Variants in COL3A1 observed in about 807,000 individuals in gnomAD.
COL3A1 encodes collagen type III alpha 1 chain, also known as collagen alpha-1(III) chain.
A neutral mutation model predicts 200.9 loss-of-function variants in COL3A1; 46 were observed. The ratio of observed to expected loss-of-function variants is 0.23; its 90% confidence interval spans 0.18 to 0.29. The LOEUF (loss-of-function observed/expected upper bound fraction) is 0.29, where lower values mean the gene tolerates loss of function less well. Among genes scored for constraint, COL3A1 ranks in the 10% least tolerant of loss-of-function variants. The probability of loss-of-function intolerance (pLI) is 1.00; values close to 1 mark genes in which losing one functional copy is unlikely to be tolerated. For synonymous variants in COL3A1, 650 were observed against 628.0 expected, an observed-to-expected ratio of 1.03 and a Z score of -0.52; for missense variants, 1,367 against 1,917.6, an observed-to-expected ratio of 0.71 and a Z score of 5.36.
In COL3A1 at chr2:188,988,695, C is replaced by T. The variant is rs755622839; in HGVS notation, c.636+52C>T. The T allele has an allele frequency of 5.5e-6, 7 of 1,274,598 alleles. No homozygotes were observed. The South Asian group carries it at 6.2e-5, about 11-fold the overall frequency. The allele number at this position is 1,274,598 out of a possible 1,614,324, so 79.0% of individuals were successfully genotyped here. Reference sequence around the variant, plus strand: ...GTAAGTCGATAATTCCATATGGAACCTACCTTTGTTTTCTAAAACAAGTAT... The same window carrying T: ...GTAAGTCGATAATTCCATATGGAACTTACCTTTGTTTTCTAAAACAAGTAT... On this transcript the variant is annotated intron_variant, in intron 7 of 50. Transcript: ENST00000304636.
chr2:188,979,984 T>C (rs1169452095), intron 1 of COL3A1, among the ~76,000 whole-genome samples: 1 of 151,520 alleles, frequency 6.6e-6, no homozygotes, highest in East Asian at 1.9e-4. Flanking sequence ...TGAAGCAAAA[T>C]AGATATTCAA....
In COL3A1 at chr2:188,996,246, TTGAG is replaced by T. The variant is rs1345158582; in HGVS notation, c.1662+71_1662+74del. On this transcript the variant is annotated intron_variant, in intron 23 of 50. Coordinates refer to ENST00000304636, the MANE Select transcript of COL3A1 (RefSeq NM_000090.4). Reference sequence around the variant, plus strand: ...ATGGAATGTATATGTTGGCCTATCCTTGAGTGTGTGTGTGTGTGTGTGTGTATAT... The same window carrying T: ...ATGGAATGTATATGTTGGCCTATCCTTGTGTGTGTGTGTGTGTGTGTATAT... 6.9e-6 allele frequency: 9 copies of T among 1,307,140 alleles called. No homozygotes were observed. In the African/African-American group the frequency reaches 1.5e-4, roughly 22 times the overall value. The allele number at this position is 1,307,140 out of a possible 1,614,324, so 81.0% of individuals were successfully genotyped here.
intron 35 of COL3A1, 52 bp from the exon 36 acceptor site, chr2:189,002,903 A>G (rs2153503363): frequency 1.6e-6 from 2 of 1,277,404 alleles, no homozygotes; most frequent in African/African-American, 1.5e-5. Context: ...TAATAAGCCA[A>G]TTGTATCATA....
Position 188,990,081 on chromosome 2 carries a change from T to C in COL3A1, c.691-15T>C, listed in dbSNP as rs756363441. ...CATACATGAGCACCTACGTATTCTT[T>C]ATTTCTCTACCTAGGGAGAATCAGG... On this transcript the variant is annotated splice_polypyrimidine_tract_variant and intron_variant, in intron 8 of 50. Coordinates refer to ENST00000304636, the MANE Select transcript of COL3A1 (RefSeq NM_000090.4). 6.2e-7 allele frequency: 1 copy of C among 1,612,848 alleles called. No individual in the cohort carries two copies. Among genetic ancestry groups the C allele is most frequent in the Admixed American group, 1.7e-5 (1 of 59,972 alleles).
intron 1 of COL3A1, among the ~76,000 whole-genome samples, chr2:188,982,501 T>TA (rs1327301947): frequency 6.6e-6 from 1 of 151,802 alleles, no homozygotes; most frequent in Non-Finnish European, 1.5e-5. Flanking sequence ...AGAAGATACT[T>TA]AAAATAGGAA....
At chr2:188,991,456 TA>T in intron 11 of COL3A1, 30 bp from the exon 12 acceptor site, 1 of 1,486,042 alleles carries the variant, frequency 6.7e-7, no homozygotes, top group Non-Finnish European at 9.3e-7. Flanking sequence ...TCCTCTTTTG[TA>T]AAATAGTAAC....
chr2:188,994,845 G>T lies in COL3A1; in HGVS notation c.1455+14G>T. 1 of 1,611,914 alleles carries T rather than the reference G, an allele frequency of 6.2e-7. No individual in the cohort carries two copies. The highest frequency in any genetic ancestry group is 8.5e-7 in the Non-Finnish European group (1 of 1,179,064). On this transcript the variant is annotated intron_variant, in intron 20 of 50. Coordinates refer to ENST00000304636, the MANE Select transcript of COL3A1 (RefSeq NM_000090.4). The surrounding 1 kb of genome is among the most constrained non-coding windows in gnomAD (Gnocchi z 4.5). ...GCAGGAGAAAGGGTACGTTTTCCAT[G>T]GGGCATCTAAAAGAAAAGCAGCATC...
intron 1 of COL3A1, among the ~76,000 whole-genome samples, chr2:188,983,954 A>G (rs1220146213): frequency 6.6e-6 from 1 of 151,964 alleles, no homozygotes; most frequent in Non-Finnish European, 1.5e-5. Context: ...CTGAAATTTC[A>G]GTACCTTGTA....
In COL3A1 at chr2:188,999,852, G is replaced by T; in HGVS notation, c.2240G>T (p.Gly747Val). ...GCTTTTATTTGACAGGGTGAACCAG[G>T]CGGTCCAGGTGCTGATGGTGTCCCA... ...PGPKGDKGEP[G>V]GPGADGVPGK... The change falls in exon 32 of 51, where the codon GGC (glycine) becomes GTC (valine). Residue 747 changes from glycine (G) to valine (V), a missense_variant. This residue lies in a region of COL3A1 where 846 missense variants were observed against 1,147.9 expected (regional missense o/e 0.74). Transcript: ENST00000304636. The T allele has an allele frequency of 6.3e-7, 1 of 1,596,440 alleles. No homozygotes were observed. The highest frequency in any genetic ancestry group is 8.5e-7 in the Non-Finnish European group (1 of 1,172,592).
chr2:188,975,425 T>A (rs188556453), intron 1 of COL3A1, among the ~76,000 whole-genome samples: 2 of 152,216 alleles, frequency 1.3e-5, no homozygotes, highest in Admixed American at 1.3e-4. Context: ...GTCTCATTAT[T>A]TATGTGAAAA....
intron 1 of COL3A1, among the ~76,000 whole-genome samples, chr2:188,979,335 G>C (rs2176267): frequency 0.037 from 5,596 of 151,966 alleles, 144 homozygotes; most frequent in Non-Finnish European, 0.056. Context: ...GAAAACTTCT[G>C]ATGAACTTAG....
rs760343132 is a variant in COL3A1 at position 188,994,093 on chromosome 2, C to T, written c.1194+11C>T. The T allele has an allele frequency of 1.2e-5, 20 of 1,614,050 alleles. No individual in the cohort carries two copies. In the South Asian group the frequency reaches 1.9e-4, roughly 15 times the overall value. On this transcript the variant is annotated intron_variant, in intron 17 of 50. Transcript: ENST00000304636. This position sits in a 1 kb window ranked among gnomAD's most constrained non-coding sequence, Gnocchi z 4.5. ...GGTAAAGGCGAAATGGTAAGCTGTC[C>T]CCACTCCTCAGCCTTATCTCATCCA...
chr2:188,989,491 C>T, intron 8 of COL3A1, 42 bp downstream of exon 8: 7 of 1,432,474 alleles, frequency 4.9e-6, no homozygotes, highest in Non-Finnish European at 6.8e-6. Flanking sequence ...CAAAATTTAA[C>T]TTGGTGTATT....
intron 1 of COL3A1, among the ~76,000 whole-genome samples, chr2:188,977,584 C>T (rs1265145460): frequency 6.6e-6 from 1 of 152,002 alleles, no homozygotes; most frequent in Non-Finnish European, 1.5e-5. Flanking sequence ...TGCATAGTTG[C>T]TCACATATCT....
Position 189,009,110 on chromosome 2 carries a change from C to T in COL3A1, c.3712C>T (p.Leu1238Phe), listed in dbSNP as rs1688662674. Residue 1238 changes from leucine (L) to phenylalanine (F), a missense_variant, in exon 48 of 51, where the codon CTC (leucine) becomes TTC (phenylalanine). Physicochemically the swap from Leu to Phe is conservative, Grantham distance 22 (BLOSUM62 0). This residue lies in a region of COL3A1 where 846 missense variants were observed against 1,147.9 expected (regional missense o/e 0.74). Coordinates refer to ENST00000304636, the MANE Select transcript of COL3A1 (RefSeq NM_000090.4). ...KINTDEIMTS[L>F]KSVNGQIESL... ...CAACACCGATGAGATTATGACTTCACTCAAGTCTGTTAATGGACAAATAGA... is the reference window on the plus strand; with the variant it reads ...CAACACCGATGAGATTATGACTTCATTCAAGTCTGTTAATGGACAAATAGA... The T allele has an allele frequency of 6.2e-7, 1 of 1,614,086 alleles. No individual in the cohort carries two copies. The highest frequency in any genetic ancestry group is 1.7e-5 in the Admixed American group (1 of 60,010).
chr2:188,976,759 T>A lies in COL3A1; in HGVS notation c.79+2191T>A, dbSNP rs548588912. On this transcript the variant is annotated intron_variant, in intron 1 of 50. Coordinates refer to ENST00000304636, the MANE Select transcript of COL3A1 (RefSeq NM_000090.4). ...TCGTCTTACAAATTTGTGAACATTG[T>A]ATTTAATTCATGTGTTTTAATCCAC... Among the ~76,000 whole-genome samples the A allele has an allele frequency of 6.6e-5, 10 of 152,312 alleles. No homozygotes were observed. The East Asian group carries it at 1.9e-3, about 29-fold the overall frequency.
chr2:188,993,399 T>C lies in COL3A1; in HGVS notation c.1089T>C (p.Gly363=). The change falls in exon 16 of 51, where the codon GGT becomes GGC. Residue 363 remains glycine (G), a synonymous_variant. Coordinates refer to ENST00000304636, the MANE Select transcript of COL3A1 (RefSeq NM_000090.4). ...CTGCAGGGTCTCCTGGTTCAAATGG[T>C]GCCCCTGGACAAAGAGGAGAACCTG... ...VGPAGSPGSN[G]APGQRGEPGP... The C allele has an allele frequency of 2.5e-6, 4 of 1,570,164 alleles. No individual in the cohort carries two copies. The highest frequency in any genetic ancestry group is 3.5e-6 in the Non-Finnish European group (4 of 1,156,344).
chr2:188,974,534 G>C lies in COL3A1; in HGVS notation c.45G>C (p.Leu15=), dbSNP rs755721653. Reference sequence around the variant, plus strand: ...AGGGGAGCTGGCTACTTCTCGCTCTGCTTCATCCCACTATTATTTTGGCAC... The same window carrying C: ...AGGGGAGCTGGCTACTTCTCGCTCTCCTTCATCCCACTATTATTTTGGCAC... ...VQKGSWLLLA[L]LHPTIILAQQ... Residue 15 remains leucine (L), a synonymous_variant, in exon 1 of 51, where the codon CTG becomes CTC. Transcript: ENST00000304636. The C allele has an allele frequency of 6.2e-7, 1 of 1,614,062 alleles. No homozygotes were observed. The highest frequency in any genetic ancestry group is 1.7e-5 in the Admixed American group (1 of 60,026).
chr2:188,992,136 C>A (rs367755652), intron 13 of COL3A1, 48 bp from the exon 14 acceptor site: 38 of 1,592,164 alleles, frequency 2.4e-5, no homozygotes, highest in African/African-American at 5.4e-5. Flanking sequence ...TACTCATGAC[C>A]AGCCATTCAG....
Sources: gnomAD v4.1 joint callset for allele counts (sites outside exome capture counted in the v4.1 genomes callset) on GRCh38, gnomAD v4.1.1 for gene constraint, gnomAD v4.1.1 regional missense constraint, Gnocchi (gnomAD v3.1) non-coding constraint, MANE v1.5 for transcripts, NCBI Gene and HGNC (gene_info 2026-07-23, HGNC 2026-07-21) for gene names.